The following HEXB variants were observed in gnomAD, a reference collection of about 807,000 sequenced individuals.
HEXB encodes the protein hexosaminidase subunit beta, also known as beta-hexosaminidase subunit beta.
HEXB carries 51 observed loss-of-function variants against 71.2 expected under a neutral mutation model. The ratio of observed to expected loss-of-function variants is 0.72; its 90% confidence interval spans 0.57 to 0.90. The LOEUF is 0.90. HEXB is among the 40% of genes least tolerant of loss of function. HEXB has a pLI of 0.00. For synonymous variants in HEXB, 266 were observed against 249.3 expected, an observed-to-expected ratio of 1.07 and a Z score of -0.63; for missense variants, 617 against 677.0, an observed-to-expected ratio of 0.91 and a Z score of 0.98.
At chr5:74,651,715 T>C (rs914351804) in intron 1 of HEXB, among the ~76,000 whole-genome samples, 3 of 152,324 alleles carry the variant, frequency 2.0e-5, no homozygotes, top group South Asian at 4.1e-4. Context: ...TGAACCTTTC[T>C]ATGGATAAAC....
chr5:74,715,123 C>G lies in HEXB; in HGVS notation c.902-387C>G, dbSNP rs905535213. Reference sequence around the variant, plus strand: ...ATTAGAATACGAAAATCAGGAGAAGCTAGAGAAGGGAGCTTAAGGACTGCA... The same window carrying G: ...ATTAGAATACGAAAATCAGGAGAAGGTAGAGAAGGGAGCTTAAGGACTGCA... On this transcript the variant is annotated intron_variant, in intron 7 of 13. Transcript: ENST00000261416. Among the ~76,000 whole-genome samples, 6 of 152,228 alleles carry G rather than the reference C, an allele frequency of 3.9e-5. No homozygotes were observed. In the South Asian group the frequency reaches 1.0e-3, roughly 26 times the overall value.
At chr5:74,688,251 TAA>T (rs1372850636) in intron 1 of HEXB, among the ~76,000 whole-genome samples, 6 of 151,426 alleles carry the variant, frequency 4.0e-5, no homozygotes, top group South Asian at 4.2e-4. Context: ...ATATTAATAT[TAA>T]TATTTAATGC....
chr5:74,657,849 C>G (rs545302734), intron 1 of HEXB, among the ~76,000 whole-genome samples: 1 of 152,240 alleles, frequency 6.6e-6, no homozygotes, highest in Non-Finnish European at 1.5e-5. Context: ...CCTATGTTAC[C>G]CTTTTGTTGT....
chr5:74,679,790 C>T (rs1322073152), intron 1 of HEXB, among the ~76,000 whole-genome samples: 2 of 99,598 alleles, frequency 2.0e-5, no homozygotes, highest in Non-Finnish European at 3.9e-5. Context: ...CAGCGCGAGA[C>T]TCCGTCTCAA....
chr5:74,645,084 T>C (rs981353060), intron 1 of HEXB, among the ~76,000 whole-genome samples: 7 of 152,178 alleles, frequency 4.6e-5, no homozygotes, highest in African/African-American at 1.7e-4. Flanking sequence ...CTTAGGAGTA[T>C]TCTTAAGATT....
At chr5:74,663,514 G>A (rs534955251) in intron 1 of HEXB, among the ~76,000 whole-genome samples, 7 of 152,208 alleles carry the variant, frequency 4.6e-5, no homozygotes, top group South Asian at 4.2e-4. Flanking sequence ...TTCTAATCAC[G>A]TGCTGCCTGA....
chr5:74,721,237 G>GTAAAATAAGATATTAGACTGTT lies in HEXB; in HGVS notation c.*64_*85dup. 3.1e-6 allele frequency: 4 copies of GTAAAATAAGATATTAGACTGTT among 1,278,258 alleles called. No individual in the cohort carries two copies. Among genetic ancestry groups the GTAAAATAAGATATTAGACTGTT allele is most frequent in the Non-Finnish European group, 4.6e-6 (4 of 875,178 alleles). 79.2% of individuals were successfully genotyped at this position (1,278,258 alleles called of 1,614,324 possible). A position where few individuals can be genotyped will look rare whatever the true frequency, so the allele number is the denominator to read the frequency against. ...ACAATCAACTTTATTTTGAAATCAT[G>GTAAAATAAGATATTAGACTGTT]TAAAATAAGATATTAGACTGTTTTT... On this transcript the variant is annotated 3_prime_UTR_variant, in exon 14 of 14. Transcript: ENST00000261416.
chr5:74,706,478 C>T (rs970408942), intron 6 of HEXB, among the ~76,000 whole-genome samples: 15 of 152,222 alleles, frequency 9.9e-5, no homozygotes, highest in South Asian at 2.1e-4. Context: ...ATGCGCGAGC[C>T]GAAGCAGGGT....
intron 6 of HEXB, among the ~76,000 whole-genome samples, chr5:74,709,050 C>T (rs1282733138): frequency 6.6e-6 from 1 of 151,426 alleles, no homozygotes; most frequent in Non-Finnish European, 1.5e-5. Context: ...AAGTAAAGCT[C>T]TCCTCAGCAA....
chr5:74,676,280 T>C (rs1235665308), intron 1 of HEXB, among the ~76,000 whole-genome samples: 2 of 152,208 alleles, frequency 1.3e-5, no homozygotes, highest in Non-Finnish European at 2.9e-5. Context: ...GCCCTGAATA[T>C]ACACTCTGAT....
At chr5:74,674,224 T>G (rs1439220488) in intron 1 of HEXB, among the ~76,000 whole-genome samples, 1 of 152,286 alleles carries the variant, frequency 6.6e-6, no homozygotes, top group East Asian at 1.9e-4. Flanking sequence ...TAATAATCAT[T>G]GGTTGTTTGT....
At chr5:74,683,373 G>A (rs1196134404), upstream of HEXB, among the ~76,000 whole-genome samples, 4 of 151,182 alleles carry the variant, frequency 2.6e-5, no homozygotes, top group Non-Finnish European at 4.4e-5. Flanking sequence ...GTGCAATCTC[G>A]GCTCACTGCA....
intron 1 of HEXB, among the ~76,000 whole-genome samples, chr5:74,673,334 T>A (rs1305406245): frequency 6.6e-6 from 1 of 152,170 alleles, no homozygotes; most frequent in African/African-American, 2.4e-5. Flanking sequence ...TTCACAAATA[T>A]TTCGGGTTGC....
intron 6 of HEXB, among the ~76,000 whole-genome samples, chr5:74,711,044 G>A (rs1411769534): frequency 6.7e-6 from 1 of 149,572 alleles, no homozygotes; most frequent in Non-Finnish European, 1.5e-5. Context: ...ATACTACAAG[G>A]CTACAGTAAC....
chr5:74,699,523 C>A (rs1040602943), intron 5 of HEXB, among the ~76,000 whole-genome samples: 1 of 152,110 alleles, frequency 6.6e-6, no homozygotes, highest in Admixed American at 6.6e-5. Context: ...GATTTGCCTG[C>A]CTTGGCCTCC....
At chr5:74,712,530 G>A (rs1311602567) in intron 6 of HEXB, among the ~76,000 whole-genome samples, 1 of 152,118 alleles carries the variant, frequency 6.6e-6, no homozygotes, top group Non-Finnish European at 1.5e-5. Context: ...AACATTTGCA[G>A]TGGGATACAA....
At chr5:74,720,621 G>T (rs770688100) in intron 12 of HEXB, 22 bp from the exon 13 acceptor site, 19 of 1,606,020 alleles carry the variant, frequency 1.2e-5, no homozygotes, top group Non-Finnish European at 1.4e-5. Context: ...GCTTGCGGGG[G>T]GATGTGTGAT....
chr5:74,707,782 G>C (rs1048674962), intron 6 of HEXB, among the ~76,000 whole-genome samples: 3 of 148,924 alleles, frequency 2.0e-5, no homozygotes, highest in Non-Finnish European at 4.5e-5. Flanking sequence ...AGAAATATGG[G>C]ACTATGTGAA....
chr5:74,649,650 C>T (rs1245662220), intron 1 of HEXB, among the ~76,000 whole-genome samples: 1 of 152,178 alleles, frequency 6.6e-6, no homozygotes, highest in Non-Finnish European at 1.5e-5. Context: ...GTTTACTTTG[C>T]TCCATGTTGA....
Sources: allele counts gnomAD v4.1 joint callset (sites outside exome capture counted in the v4.1 genomes callset), GRCh38; gene constraint gnomAD v4.1.1; transcripts MANE v1.5; gene names NCBI Gene and HGNC (gene_info 2026-07-23, HGNC 2026-07-21).